CDH18: variants seen among roughly 807,000 people sequenced by gnomAD.
CDH18 encodes the protein cadherin 18, also known as cadherin-18.
Under a neutral mutation model 67.9 loss-of-function variants are expected in CDH18, and 31 were observed. The ratio of observed to expected loss-of-function variants is 0.46; its 90% CI spans 0.34 to 0.62. CDH18 has a LOEUF of 0.62. CDH18 is among the 20% of genes least tolerant of loss of function. CDH18 has a pLI of 0.01. For synonymous variants in CDH18, 362 were observed against 347.2 expected, an observed-to-expected ratio of 1.04 and a Z score of -0.48; for missense variants, 890 against 975.5, an observed-to-expected ratio of 0.91 and a Z score of 1.17.
chr5:20,293,271 C>T (rs983944387), intron 1 of CDH18, among the ~76,000 whole-genome samples: 1 of 152,028 alleles, frequency 6.6e-6, no homozygotes. Flanking sequence ...GAGCTGAGAT[C>T]ACGCCATTGC....
At chr5:20,385,357 A>G (rs1448630517) in intron 1 of CDH18, among the ~76,000 whole-genome samples, 1 of 152,100 alleles carries the variant, frequency 6.6e-6, no homozygotes, top group African/African-American at 2.4e-5. Flanking sequence ...GCTCTGAGTA[A>G]TTCTGATCTA....
chr5:20,059,840 C>T (rs1742303398), intron 2 of CDH18, among the ~76,000 whole-genome samples: 1 of 152,076 alleles, frequency 6.6e-6, no homozygotes, highest in South Asian at 2.1e-4. Context: ...ATGGATGTAG[C>T]TGGAAACCAT....
intron 2 of CDH18, among the ~76,000 whole-genome samples, chr5:19,861,289 G>C (rs1373149776): frequency 4.2e-5 from 2 of 47,650 alleles, no homozygotes; most frequent in Admixed American, 1.9e-4. Context: ...GGTACAGATG[G>C]GTTTTTTTTT....
chr5:19,793,078 A>G (rs1776523713), intron 3 of CDH18, among the ~76,000 whole-genome samples: 1 of 151,808 alleles, frequency 6.6e-6, no homozygotes, highest in African/African-American at 2.4e-5. Flanking sequence ...TAGAGCTAAT[A>G]CTCCTCCTCC....
At chr5:20,226,785 T>C (rs1741665700) in intron 2 of CDH18, among the ~76,000 whole-genome samples, 1 of 152,024 alleles carries the variant, frequency 6.6e-6, no homozygotes, top group Non-Finnish European at 1.5e-5. Flanking sequence ...CTCAAGCCAC[T>C]GGAAATATAT....
At chr5:19,755,542 T>TTA (rs369677533) in intron 3 of CDH18, among the ~76,000 whole-genome samples, 87,216 of 132,984 alleles carry the variant, frequency 0.66, 33,841 homozygotes, top group South Asian at 0.86. Flanking sequence ...GTTTTATATT[T>TTA]TATATATATA....
Position 19,695,925 on chromosome 5 carries a change from T to C in CDH18, c.643+25422A>G, listed in dbSNP as rs146069554. Among the ~76,000 whole-genome samples the C allele has an allele frequency of 1.1e-4, 16 of 152,334 alleles. No homozygotes were observed. In the East Asian group the frequency reaches 3.1e-3, roughly 29 times the overall value. ...GGTACTGCTCTATTATCAAATAAGA[T>C]GATCTATTTTGCTGGTAACAATTTC... On this transcript the variant is annotated intron_variant, in intron 5 of 12. Transcript: ENST00000382275.
At chr5:19,510,658 T>C (rs1401576221) in intron 10 of CDH18, among the ~76,000 whole-genome samples, 1 of 152,056 alleles carries the variant, frequency 6.6e-6, no homozygotes, top group Non-Finnish European at 1.5e-5. Flanking sequence ...AGGTTTTGTG[T>C]CCCCACTAAA....
At chr5:19,892,901 T>C (rs998220756) in intron 2 of CDH18, among the ~76,000 whole-genome samples, 1 of 152,172 alleles carries the variant, frequency 6.6e-6, no homozygotes, top group Non-Finnish European at 1.5e-5. Flanking sequence ...TGATGCAACA[T>C]ATTAAACACT....
At chr5:19,584,807 A>AAAG (rs1206299971) in intron 7 of CDH18, among the ~76,000 whole-genome samples, 14 of 148,540 alleles carry the variant, frequency 9.4e-5, no homozygotes, top group South Asian at 8.5e-4. Flanking sequence ...AAAAAAAAAA[A>AAAG]AAAAAGAAAA....
At chr5:20,172,228 A>ACACATG (rs1561848726) in intron 2 of CDH18, among the ~76,000 whole-genome samples, 6 of 110,736 alleles carry the variant, frequency 5.4e-5, no homozygotes, top group African/African-American at 1.9e-4. Context: ...ATATATGTAT[A>ACACATG]TATATATATA....
At chr5:19,797,640 C>T (rs1467360406) in intron 3 of CDH18, among the ~76,000 whole-genome samples, 1 of 151,822 alleles carries the variant, frequency 6.6e-6, no homozygotes, top group Admixed American at 6.6e-5. Context: ...ATGTTTTATG[C>T]ACTGAATGCT....
intron 3 of CDH18, among the ~76,000 whole-genome samples, chr5:19,802,785 A>C (rs1013764159): frequency 6.6e-6 from 1 of 152,186 alleles, no homozygotes; most frequent in Non-Finnish European, 1.5e-5. Context: ...GGAGCTTTGA[A>C]ATTTGACCAA....
chr5:19,985,098 T>C (rs1044773274), intron 1 of CDH18, among the ~76,000 whole-genome samples: 1 of 152,126 alleles, frequency 6.6e-6, no homozygotes, highest in Admixed American at 6.5e-5. Context: ...CCTCAACATT[T>C]ATACTATCTC....
chr5:19,559,857 C>T (rs766118163), intron 8 of CDH18, among the ~76,000 whole-genome samples: 7 of 149,352 alleles, frequency 4.7e-5, no homozygotes, highest in African/African-American at 1.7e-4. Context: ...CTCTGCTATA[C>T]ACTAATAGTG....
At chr5:20,434,355 T>A (rs1418311942) in intron 1 of CDH18, among the ~76,000 whole-genome samples, 2 of 152,056 alleles carry the variant, frequency 1.3e-5, no homozygotes, top group South Asian at 4.1e-4. Context: ...GCTGGGAGTT[T>A]GAGTGTCTGT....
At chr5:20,294,514 C>T (rs1410816899) in intron 1 of CDH18, among the ~76,000 whole-genome samples, 1 of 152,118 alleles carries the variant, frequency 6.6e-6, no homozygotes, top group African/African-American at 2.4e-5. Flanking sequence ...TAATGGTAAA[C>T]ATTGATTTTG....
At chr5:19,867,127 C>T (rs1458262074) in intron 2 of CDH18, among the ~76,000 whole-genome samples, 1 of 151,936 alleles carries the variant, frequency 6.6e-6, no homozygotes, top group African/African-American at 2.4e-5. Context: ...TAGCCAACAC[C>T]CACTCACCTC....
intron 2 of CDH18, among the ~76,000 whole-genome samples, chr5:20,139,403 T>C (rs907991738): frequency 2.0e-5 from 3 of 152,158 alleles, no homozygotes; most frequent in Admixed American, 6.6e-5. Context: ...GACATAGGCA[T>C]GGGCAAGGAC....
Sources: allele counts gnomAD v4.1 joint callset (sites outside exome capture counted in the v4.1 genomes callset), GRCh38; gene constraint gnomAD v4.1.1; transcripts MANE v1.5; gene names NCBI Gene and HGNC (gene_info 2026-07-23, HGNC 2026-07-21).